The following CRISP2 variants were observed in gnomAD, a reference collection of about 807,000 sequenced individuals.
The protein encoded by CRISP2 is cysteine-rich secretory protein 2.
CRISP2 carries 29 observed loss-of-function variants against 31.7 expected under a neutral mutation model. The ratio of observed to expected loss-of-function variants is 0.92; its 90% CI spans 0.68 to 1.25. CRISP2 has a LOEUF of 1.25. CRISP2 is among the 50% of genes most tolerant of loss of function. The pLI is 0.00. For missense variants in CRISP2, 318 were observed against 286.5 expected, an observed-to-expected ratio of 1.11 and a Z score of -0.79; for synonymous variants, 111 against 101.4, an observed-to-expected ratio of 1.09 and a Z score of -0.57.
At chr6:49,692,155 A>G (rs1481797524), downstream of CRISP2, among the ~76,000 whole-genome samples, 1 of 152,144 alleles carries the variant, frequency 6.6e-6, no homozygotes, top group Non-Finnish European at 1.5e-5. Context: ...AGTAGAACTG[A>G]TTAATTTTTT....
Position 49,695,818 on chromosome 6 carries a change from T to A in CRISP2, c.604+18A>T. The A allele has an allele frequency of 6.6e-7, 1 of 1,508,226 alleles. No homozygotes were observed. The highest frequency in any genetic ancestry group is 9.1e-7 in the Non-Finnish European group (1 of 1,093,150). 93.4% of individuals were successfully genotyped at this position (1,508,226 alleles called of 1,614,324 possible). A position where few individuals can be genotyped will look rare whatever the true frequency, so the allele number is the denominator to read the frequency against. On this transcript the variant is annotated intron_variant, in intron 9 of 9. Coordinates refer to ENST00000339139, the MANE Select transcript of CRISP2 (RefSeq NM_003296.4). The stretch of plus-strand genomic sequence containing the variant: ...AATTCTATAATAAATAATAGCAAGC[T>A]AATCACTTCAAACTTACTGCATAGT...
intron 4 of CRISP2, among the ~76,000 whole-genome samples, chr6:49,704,498 C>T (rs1358277539): frequency 6.6e-6 from 1 of 152,116 alleles, no homozygotes; most frequent in East Asian, 1.9e-4. Context: ...AAGGAAGGAT[C>T]TGGGGCTCAA....
At chr6:49,691,191 C>A (rs1007897175), downstream of CRISP2, among the ~76,000 whole-genome samples, 6 of 152,020 alleles carry the variant, frequency 3.9e-5, no homozygotes, top group Non-Finnish European at 8.8e-5. Context: ...CATATGAGAA[C>A]CACTCAAGTG....
intron 6 of CRISP2, 81 bp from the exon 7 acceptor site, chr6:49,698,588 C>T: frequency 7.0e-7 from 1 of 1,429,606 alleles, no homozygotes; most frequent in Non-Finnish European, 9.5e-7. Flanking sequence ...AAAGATGTTG[C>T]CTTTCAAACC....
chr6:49,711,554 T>C lies in CRISP2; in HGVS notation c.-46-233A>G, dbSNP rs137947482. On this transcript the variant is annotated intron_variant, in intron 2 of 9. Coordinates refer to ENST00000339139, the MANE Select transcript of CRISP2 (RefSeq NM_003296.4). ...AGTAAATCATGCCCTCCCTTTCTAA[T>C]CAGTTCTCCCTTCTCCTTAGGCACA... 2.2e-4 allele frequency among the ~76,000 whole-genome samples: 33 copies of C among 152,316 alleles called. No homozygotes were observed. The East Asian group carries it at 6.4e-3, about 29-fold the overall frequency.
At chr6:49,685,170 C>T in the CRISP2 span, among the ~76,000 whole-genome samples, 2 of 152,308 alleles carry the variant, frequency 1.3e-5, no homozygotes, top group Admixed American at 6.5e-5. Flanking sequence ...AAGATGGACA[C>T]TTCATATGAG....
At chr6:49,689,741 G>A (rs1164142676), downstream of CRISP2, among the ~76,000 whole-genome samples, 11 of 152,046 alleles carry the variant, frequency 7.2e-5, no homozygotes, top group African/African-American at 2.7e-4. Context: ...TATACTCTGA[G>A]TAAATGGAGG....
chr6:49,681,939 T>C, the CRISP2 span, among the ~76,000 whole-genome samples: 1 of 152,164 alleles, frequency 6.6e-6, no homozygotes, highest in South Asian at 2.1e-4. Context: ...CCTTGAAATG[T>C]TTTTTAATAT....
At chr6:49,682,729 T>TTCTC in the CRISP2 span, among the ~76,000 whole-genome samples, 1 of 149,230 alleles carries the variant, frequency 6.7e-6, no homozygotes, top group Non-Finnish European at 1.5e-5. Context: ...TTCTCTTTCT[T>TTCTC]TTTCTTTCTT....
the CRISP2 span, among the ~76,000 whole-genome samples, chr6:49,684,024 T>C: frequency 2.0e-5 from 3 of 152,036 alleles, no homozygotes; most frequent in African/African-American, 7.2e-5. Flanking sequence ...ACTGAGTACA[T>C]GCTTTGATGT....
Position 49,694,544 on chromosome 6 carries a change from C to A in CRISP2, c.604+1292G>T, listed in dbSNP as rs114459327. Among the ~76,000 whole-genome samples, 1,376 of 152,008 alleles carry A rather than the reference C, an allele frequency of 9.1e-3. 21 individuals carry two copies. Among genetic ancestry groups the A allele is most frequent in the African/African-American group, 0.031 (1,291 of 41,444 alleles). ...CAGTACTAAATCCAAGGCAGAGTACCCCACACACTTCCTTCTCTTTCCCCC... is the reference window on the plus strand; with the variant it reads ...CAGTACTAAATCCAAGGCAGAGTACACCACACACTTCCTTCTCTTTCCCCC... On this transcript the variant is annotated intron_variant, in intron 9 of 9. Coordinates refer to ENST00000339139, the MANE Select transcript of CRISP2 (RefSeq NM_003296.4).
At chr6:49,700,116 G>A (rs1765418203) in intron 5 of CRISP2, among the ~76,000 whole-genome samples, 1 of 152,058 alleles carries the variant, frequency 6.6e-6, no homozygotes, top group African/African-American at 2.4e-5. Context: ...AATAATATGT[G>A]ATTATTTATG....
chr6:49,686,997 G>T, the CRISP2 span, among the ~76,000 whole-genome samples: 1 of 151,338 alleles, frequency 6.6e-6, no homozygotes, highest in African/African-American at 2.4e-5. Flanking sequence ...GGTGGGAATT[G>T]AACAATGAGA....
At chr6:49,701,711 TATATAATG>T (rs1765869454) in intron 4 of CRISP2, among the ~76,000 whole-genome samples, 1 of 109,422 alleles carries the variant, frequency 9.1e-6, no homozygotes, top group African/African-American at 3.7e-5. Flanking sequence ...TATGTATACA[TATATAATG>T]TATATATAAT....
the CRISP2 span, among the ~76,000 whole-genome samples, chr6:49,682,828 ATCCCTTCC>A: frequency 3.3e-5 from 4 of 120,586 alleles, no homozygotes; most frequent in Non-Finnish European, 6.6e-5. Context: ...CCTTCCCTCC[ATCCCTTCC>A]TCCCTTCCTC....
chr6:49,707,203 T>C (rs1402250002), intron 4 of CRISP2, among the ~76,000 whole-genome samples: 2 of 152,190 alleles, frequency 1.3e-5, no homozygotes, highest in Non-Finnish European at 2.9e-5. Context: ...ATGGTATCTA[T>C]CCTTAAAGAG....
At chr6:49,691,206 A>G (rs1158088342), downstream of CRISP2, among the ~76,000 whole-genome samples, 3 of 152,040 alleles carry the variant, frequency 2.0e-5, no homozygotes, top group African/African-American at 7.2e-5. Context: ...CAAGTGGAAT[A>G]TTCTGTTTGC....
intron 4 of CRISP2, among the ~76,000 whole-genome samples, chr6:49,703,721 T>C (rs1186898550): frequency 6.6e-6 from 1 of 152,168 alleles, no homozygotes; most frequent in Non-Finnish European, 1.5e-5. Context: ...CAGATAAATC[T>C]GTGGTTAATC....
At chr6:49,684,906 C>T in the CRISP2 span, among the ~76,000 whole-genome samples, 8 of 152,142 alleles carry the variant, frequency 5.3e-5, no homozygotes, top group Admixed American at 4.6e-4. Flanking sequence ...CTCATAGAGA[C>T]TTTTTGCATG....
Sources: allele counts gnomAD v4.1 joint callset (sites outside exome capture counted in the v4.1 genomes callset), GRCh38; gene constraint gnomAD v4.1.1; transcripts MANE v1.5; gene names NCBI Gene and HGNC (gene_info 2026-07-23, HGNC 2026-07-21).